WDR33: variants seen among roughly 807,000 people sequenced by gnomAD.
The protein encoded by WDR33 is WD repeat domain 33, also known as pre-mRNA 3' end processing protein WDR33.
A neutral mutation model predicts 164.9 loss-of-function variants in WDR33; 47 were observed. The observed-to-expected ratio is 0.29, with a 90% CI of 0.23 to 0.36. WDR33 has a LOEUF of 0.36. WDR33 is among the 10% of genes least tolerant of loss of function. The probability of loss-of-function intolerance (pLI) is 1.00; values close to 1 mark genes in which losing one functional copy is unlikely to be tolerated. For synonymous variants in WDR33, 505 were observed against 589.0 expected, an observed-to-expected ratio of 0.86 and a Z score of 2.06; for missense variants, 1,137 against 1,754.1, an observed-to-expected ratio of 0.65 and a Z score of 6.28.
rs576375414 is a variant in WDR33 at position 127,710,842 on chromosome 2, C to T, written c.3309-986G>A. Among the ~76,000 whole-genome samples, 1 of 152,324 alleles carries T rather than the reference C, an allele frequency of 6.6e-6. No homozygotes were observed. Among genetic ancestry groups the T allele is most frequent in the African/African-American group, 2.4e-5 (1 of 41,568 alleles). ...ATCTTCTACTTGGAAGATTTTCAAACTTACAGTAAAGCTGAAAGAACAGTA... is the reference window on the plus strand; with the variant it reads ...ATCTTCTACTTGGAAGATTTTCAAATTTACAGTAAAGCTGAAAGAACAGTA... On this transcript the variant is annotated intron_variant, in intron 18 of 21. Coordinates refer to ENST00000322313, the MANE Select transcript of WDR33 (RefSeq NM_018383.5). The surrounding 1 kb of genome is among the most constrained non-coding windows in gnomAD (Gnocchi z 4.4).
intron 7 of WDR33, among the ~76,000 whole-genome samples, chr2:127,755,943 G>A (rs559441293): frequency 4.6e-5 from 7 of 152,054 alleles, no homozygotes; most frequent in East Asian, 3.9e-4. Flanking sequence ...ATTTCCATTC[G>A]TGACAAAACA....
intron 18 of WDR33, among the ~76,000 whole-genome samples, chr2:127,711,770 ATATATATATATT>A (rs1172992008): frequency 1.3e-5 from 1 of 77,894 alleles, no homozygotes; most frequent in Non-Finnish European, 2.3e-5. Flanking sequence ...ATATATATAT[ATATATATATATT>A]TTTTTTTTGA....
At chr2:127,731,949 A>G (rs1356457759) in intron 7 of WDR33, among the ~76,000 whole-genome samples, 1 of 152,092 alleles carries the variant, frequency 6.6e-6, no homozygotes, top group Non-Finnish European at 1.5e-5. Flanking sequence ...TTAGCCAAAT[A>G]TGGTGGTGCA....
rs1687723416 is a variant in WDR33 at position 127,763,001 on chromosome 2, G to T, written c.724+61C>A. 1 of 1,610,504 alleles carries T rather than the reference G, an allele frequency of 6.2e-7. No individual in the cohort carries two copies. Among genetic ancestry groups the T allele is most frequent in the South Asian group, 1.1e-5 (1 of 90,712 alleles). On this transcript the variant is annotated intron_variant, in intron 7 of 21. Coordinates refer to ENST00000322313, the MANE Select transcript of WDR33 (RefSeq NM_018383.5). This position sits in a 1 kb window ranked among gnomAD's most constrained non-coding sequence, Gnocchi z 4.5. ...TAAGCCAGTATTGTGGTTTTGTGATGATTTAACCACAAATGTCTTCCCTAT... is the reference window on the plus strand; with the variant it reads ...TAAGCCAGTATTGTGGTTTTGTGATTATTTAACCACAAATGTCTTCCCTAT...
chr2:127,718,812 A>G lies in WDR33; in HGVS notation c.2760+453T>C, dbSNP rs1187215317. The stretch of plus-strand genomic sequence containing the variant: ...ATATCCCATCCTATCTTTTAAAAGT[A>G]GAGTTGGCAGACAGGAAGTGATTCT... On this transcript the variant is annotated intron_variant, in intron 16 of 21. Coordinates refer to ENST00000322313, the MANE Select transcript of WDR33 (RefSeq NM_018383.5). The surrounding 1 kb of genome is among the most constrained non-coding windows in gnomAD (Gnocchi z 4.4). 2.0e-5 allele frequency among the ~76,000 whole-genome samples: 3 copies of G among 152,212 alleles called. No individual in the cohort carries two copies. Among genetic ancestry groups the G allele is most frequent in the African/African-American group, 7.2e-5 (3 of 41,446 alleles).
At position 127,704,652 on chromosome 2, in the gene WDR33, A is replaced by G. The variant is rs1325042487; in HGVS notation, c.*1671T>C. ...ATAGTCTCTAGATTCTAACACTGAA[A>G]AGCAGTGTATATGGCTGACATTTTC... On this transcript the variant is annotated 3_prime_UTR_variant, in exon 22 of 22. Coordinates refer to ENST00000322313, the MANE Select transcript of WDR33 (RefSeq NM_018383.5). 1 of 167,086 alleles carries G rather than the reference A, an allele frequency of 6.0e-6. No homozygotes were observed. The highest frequency in any genetic ancestry group is 1.5e-5 in the Non-Finnish European group (1 of 68,114). The allele number at this position is 167,086 out of a possible 1,614,324, so 10.4% of individuals were successfully genotyped here. A position where few individuals can be genotyped will look rare whatever the true frequency, so the allele number is the denominator to read the frequency against.
chr2:127,789,921 C>T (rs950153105), intron 1 of WDR33, among the ~76,000 whole-genome samples: 6 of 151,304 alleles, frequency 4.0e-5, no homozygotes, highest in Non-Finnish European at 7.4e-5. Flanking sequence ...CTGCAGCCTC[C>T]GCCTCCCAGG....
At chr2:127,767,352 T>C (rs577514511) in intron 4 of WDR33, among the ~76,000 whole-genome samples, 9 of 152,312 alleles carry the variant, frequency 5.9e-5, no homozygotes, top group Non-Finnish European at 1.0e-4. Context: ...GATTACATTA[T>C]CATCTATGAA....
At chr2:127,729,919 T>C (rs183498023) in intron 7 of WDR33, among the ~76,000 whole-genome samples, 81 of 152,326 alleles carry the variant, frequency 5.3e-4, no homozygotes, top group African/African-American at 1.9e-3. Flanking sequence ...GAAAAAAGTA[T>C]GTGTAGCATG....
Position 127,717,074 on chromosome 2 carries a change from C to T in WDR33, c.2869+81G>A. On this transcript the variant is annotated intron_variant, in intron 17 of 21. Transcript: ENST00000322313. The surrounding 1 kb of genome is among the most constrained non-coding windows in gnomAD (Gnocchi z 5.6). The stretch of plus-strand genomic sequence containing the variant: ...GTTCAAATGACCAGTCTATCAATGA[C>T]TGGCCAACAAAATTATTCACTGTAA... 7.0e-7 allele frequency: 1 copy of T among 1,429,320 alleles called. No homozygotes were observed. Among genetic ancestry groups the T allele is most frequent in the South Asian group, 1.2e-5 (1 of 81,530 alleles). The allele number at this position is 1,429,320 out of a possible 1,614,324, so 88.5% of individuals were successfully genotyped here. A position where few individuals can be genotyped will look rare whatever the true frequency, so the allele number is the denominator to read the frequency against.
rs1223533130 is a variant in WDR33, at chr2:127,704,272, ACT to A, written c.*2049_*2050del. ...AGAGGTTTATTGTTTAAATGAATTC[ACT>A]CTCAAAATGTGATCTGTCAAGTCCA... On this transcript the variant is annotated 3_prime_UTR_variant, in exon 22 of 22. Transcript: ENST00000322313. The A allele has an allele frequency of 6.0e-6, 1 of 166,788 alleles. No individual in the cohort carries two copies. Among genetic ancestry groups the A allele is most frequent in the East Asian group, 1.9e-4 (1 of 5,208 alleles). 10.3% of individuals were successfully genotyped at this position (166,788 alleles called of 1,614,324 possible).
rs575776337 is a variant in WDR33, at chr2:127,746,294, T to C, written c.724+16768A>G. ...CTAAAAATCACTACTGAAAAGATAATCATATTCCAATACTAATTTTTGATC... is the reference window on the plus strand; with the variant it reads ...CTAAAAATCACTACTGAAAAGATAACCATATTCCAATACTAATTTTTGATC... On this transcript the variant is annotated intron_variant, in intron 7 of 21. Coordinates refer to ENST00000322313, the MANE Select transcript of WDR33 (RefSeq NM_018383.5). Among the ~76,000 whole-genome samples, 4 of 152,260 alleles carry C rather than the reference T, an allele frequency of 2.6e-5. No homozygotes were observed. In the South Asian group the frequency reaches 8.3e-4, roughly 32 times the overall value.
rs1686195880 is a variant in WDR33 at position 127,712,128 on chromosome 2, G to T, written c.3308+1455C>A. Among the ~76,000 whole-genome samples, 1 of 151,972 alleles carries T rather than the reference G, an allele frequency of 6.6e-6. No homozygotes were observed. The highest frequency in any genetic ancestry group is 1.5e-5 in the Non-Finnish European group (1 of 67,988). ...TGGAATGAAAGGACCAGGCGCAGTG[G>T]CTCACGCCTATAATCCCTGCACTCT... On this transcript the variant is annotated intron_variant, in intron 18 of 21. Transcript: ENST00000322313. This position sits in a 1 kb window ranked among gnomAD's most constrained non-coding sequence, Gnocchi z 4.0.
Position 127,706,799 on chromosome 2 carries a change from C to T in WDR33, c.3782-247G>A, listed in dbSNP as rs111310653. Among the ~76,000 whole-genome samples, 23 of 152,286 alleles carry T rather than the reference C, an allele frequency of 1.5e-4. No homozygotes were observed. In the South Asian group the frequency reaches 3.5e-3, roughly 23 times the overall value. On this transcript the variant is annotated intron_variant, in intron 21 of 21. Transcript: ENST00000322313. The surrounding 1 kb of genome is among the most constrained non-coding windows in gnomAD (Gnocchi z 5.1). ...CATGCCCCCAGGGCTGTGTGACAGA[C>T]GACAGGAAGCCAAGAGATGAGCAAG...
chr2:127,809,324 A>G (rs1046337420), intron 1 of WDR33, among the ~76,000 whole-genome samples: 1 of 151,914 alleles, frequency 6.6e-6, no homozygotes. Flanking sequence ...AAATCTGTTT[A>G]GTATTTTTCA....
Position 127,723,389 on chromosome 2 carries a change from AT to A in WDR33, c.1197-43del. ...AGGAGAAAAGAAGCATGGCTTCACT[AT>A]TTTTTTGGGCACTAAACAGTACTAG... On this transcript the variant is annotated intron_variant, in intron 11 of 21. Transcript: ENST00000322313. The surrounding 1 kb of genome is among the most constrained non-coding windows in gnomAD (Gnocchi z 5.9). 1.9e-6 allele frequency: 3 copies of A among 1,568,772 alleles called. No individual in the cohort carries two copies. Among genetic ancestry groups the A allele is most frequent in the Non-Finnish European group, 1.8e-6 (2 of 1,142,178 alleles).
In WDR33 at chr2:127,738,055, C is replaced by T. The variant is rs1198520558; in HGVS notation, c.725-11278G>A. ...CAACGGCAGTGATGAAAACATGTAT[C>T]TATCAAAACAAGAAGGGTGCATGAA... is the stretch of plus-strand genomic sequence containing the variant. On this transcript the variant is annotated intron_variant, in intron 7 of 21. Transcript: ENST00000322313. The surrounding 1 kb of genome is among the most constrained non-coding windows in gnomAD (Gnocchi z 4.4). 2 of 1,612,554 alleles carry T rather than the reference C, an allele frequency of 1.2e-6. No individual in the cohort carries two copies. Among genetic ancestry groups the T allele is most frequent in the Non-Finnish European group, 1.7e-6 (2 of 1,179,378 alleles).
At position 127,722,467 on chromosome 2, in the gene WDR33, A is replaced by T; in HGVS notation, c.1518+124T>A. Reference sequence around the variant, plus strand: ...GTAGATGAGAACCATGTCTAAGAGTACGTGAACATGGGAAAAATGCTCCAG... The same window carrying T: ...GTAGATGAGAACCATGTCTAAGAGTTCGTGAACATGGGAAAAATGCTCCAG... On this transcript the variant is annotated intron_variant, in intron 14 of 21. Transcript: ENST00000322313. This position sits in a 1 kb window ranked among gnomAD's most constrained non-coding sequence, Gnocchi z 5.1. 1 of 1,314,110 alleles carries T rather than the reference A, an allele frequency of 7.6e-7. No homozygotes were observed. Among genetic ancestry groups the T allele is most frequent in the Non-Finnish European group, 1.0e-6 (1 of 955,212 alleles). The allele number at this position is 1,314,110 out of a possible 1,614,324, so 81.4% of individuals were successfully genotyped here. A position where few individuals can be genotyped will look rare whatever the true frequency, so the allele number is the denominator to read the frequency against.
At chr2:127,756,349 A>G (rs1015151140) in intron 7 of WDR33, among the ~76,000 whole-genome samples, 1 of 142,158 alleles carries the variant, frequency 7.0e-6, no homozygotes, top group Non-Finnish European at 1.5e-5. Flanking sequence ...AAAAAAAAAA[A>G]GGTAATTAAA....
Sources: gnomAD v4.1 joint callset for allele counts (sites outside exome capture counted in the v4.1 genomes callset) on GRCh38, gnomAD v4.1.1 for gene constraint, Gnocchi (gnomAD v3.1) non-coding constraint, MANE v1.5 for transcripts, NCBI Gene and HGNC (gene_info 2026-07-23, HGNC 2026-07-21) for gene names.